The following RAB44 variants were observed in gnomAD, a reference collection of about 807,000 sequenced individuals.
RAB44 encodes the protein ras-related protein Rab-44.
A neutral mutation model predicts 93.3 loss-of-function variants in RAB44; 67 were observed. The observed-to-expected ratio is 0.72, with a 90% CI of 0.59 to 0.88. RAB44 has a LOEUF of 0.88. RAB44 is among the 40% of genes least tolerant of loss of function. The pLI is 0.00. For missense variants in RAB44, 1,064 were observed against 1,261.7 expected, an observed-to-expected ratio of 0.84 and a Z score of 2.37; for synonymous variants, 427 against 520.3, an observed-to-expected ratio of 0.82 and a Z score of 2.44.
intron 2 of RAB44, among the ~76,000 whole-genome samples, chr6:36,712,515 C>G (rs968269629): frequency 5.9e-5 from 9 of 152,142 alleles, no homozygotes; most frequent in Non-Finnish European, 1.0e-4. Context: ...CAGGCGCCCA[C>G]CACAATGCCC....
chr6:36,730,759 G>GGCCGGGGCCCCCCCCCCCCC lies in RAB44; in HGVS notation c.2975+10_2975+11insGCCGGGGCCCCCCCCCCCCC. The GGCCGGGGCCCCCCCCCCCCC allele has an allele frequency of 8.3e-7, 1 of 1,203,332 alleles. No individual in the cohort carries two copies. The highest frequency in any genetic ancestry group is 1.0e-6 in the Non-Finnish European group (1 of 974,732). 74.5% of individuals were successfully genotyped at this position (1,203,332 alleles called of 1,614,324 possible). A position where few individuals can be genotyped will look rare whatever the true frequency, so the allele number is the denominator to read the frequency against. ...TAGTAAACCTGGCCAGGTAAGTGCT[G>GGCCGGGGCCCCCCCCCCCCC]CCCGCCCCCCGCCGCCCCCACCCCC... On this transcript the variant is annotated intron_variant, in intron 13 of 13. Coordinates refer to ENST00000612677, the MANE Select transcript of RAB44 (RefSeq NM_001257357.2).
In RAB44 at chr6:36,731,691, G is replaced by T. The variant is rs527301408; in HGVS notation, c.2976-312G>T. Among the ~76,000 whole-genome samples, 1 of 152,162 alleles carries T rather than the reference G, an allele frequency of 6.6e-6. No individual in the cohort carries two copies. The highest frequency in any genetic ancestry group is 2.1e-4 in the South Asian group (1 of 4,818). On this transcript the variant is annotated intron_variant, in intron 13 of 13. Transcript: ENST00000612677. The surrounding 1 kb of genome is among the most constrained non-coding windows in gnomAD (Gnocchi z 4.0). ...CCAGGACCTGGTGTGAAGTCCCTGT[G>T]TGCCTCCCCATCATTCCCGGGCTGC...
At position 36,721,768 on chromosome 6, in the gene RAB44, C is replaced by T; in HGVS notation, c.1634C>T (p.Ala545Val). ...CCTCCCAGCGGGGCTCAGCCTGGGG[C>T]TGGAGCAGGACCCCAGGAACCCACA... ...WAPPSGAQPG[A>V]GAGPQEPTQT... The change falls in exon 9 of 14, where the codon GCT (alanine) becomes GTT (valine). Residue 545 changes from alanine (A) to valine (V), a missense_variant. Transcript: ENST00000612677. 1 of 1,234,616 alleles carries T rather than the reference C, an allele frequency of 8.1e-7. No homozygotes were observed. The highest frequency in any genetic ancestry group is 1.0e-6 in the Non-Finnish European group (1 of 988,400). The allele number at this position is 1,234,616 out of a possible 1,614,324, so 76.5% of individuals were successfully genotyped here.
At chr6:36,723,836 CAA>C (rs565860026) in intron 9 of RAB44, among the ~76,000 whole-genome samples, 17 of 64,624 alleles carry the variant, frequency 2.6e-4, no homozygotes, top group South Asian at 7.3e-4. Flanking sequence ...TTCCGTCTCC[CAA>C]AAAAAAAAAA....
chr6:36,709,937 T>C (rs1452481218), intron 2 of RAB44, among the ~76,000 whole-genome samples: 1 of 152,216 alleles, frequency 6.6e-6, no homozygotes, highest in Non-Finnish European at 1.5e-5. Context: ...AACTGTCTTA[T>C]ACAAGCATTT....
chr6:36,716,988 A>T (rs1210711498), intron 4 of RAB44, among the ~76,000 whole-genome samples: 1 of 152,166 alleles, frequency 6.6e-6, no homozygotes, highest in African/African-American at 2.4e-5. Flanking sequence ...GAGAGGGCAG[A>T]TGGAAGCTCT....
At position 36,720,349 on chromosome 6, in the gene RAB44, C is replaced by A; in HGVS notation, c.829-14C>A. The A allele has an allele frequency of 8.1e-7, 1 of 1,232,342 alleles. No individual in the cohort carries two copies. Among genetic ancestry groups the A allele is most frequent in the African/African-American group, 1.5e-5 (1 of 64,548 alleles). 76.3% of individuals were successfully genotyped at this position (1,232,342 alleles called of 1,614,324 possible). On this transcript the variant is annotated splice_polypyrimidine_tract_variant and intron_variant, in intron 7 of 13. Coordinates refer to ENST00000612677, the MANE Select transcript of RAB44 (RefSeq NM_001257357.2). The stretch of plus-strand genomic sequence containing the variant: ...GCATCTGGGCTTCTCTCCGCCTCAC[C>A]CTCCACCCTGCAGCTGGAGGCCCAG...
At chr6:36,704,559 G>A (rs1762596963) in intron 2 of RAB44, 117 bp downstream of exon 2, 1 of 939,496 alleles carries the variant, frequency 1.1e-6, no homozygotes, top group South Asian at 1.5e-5. Context: ...CTCATTTAGA[G>A]CTCTCAGAAA....
In RAB44 at chr6:36,715,396, A is replaced by G. The variant is rs942256912; in HGVS notation, c.320-83A>G. 1.0e-4 allele frequency: 129 copies of G among 1,279,444 alleles called. 1 individual carries two copies. In the Middle Eastern group the frequency reaches 1.2e-3, roughly 12 times the overall value. 79.3% of individuals were successfully genotyped at this position (1,279,444 alleles called of 1,614,324 possible). ...TGGCACAGGTAGAATTACTTCCCTG[A>G]GGGCTGGACCAGGGCTGGGTGGGAG... On this transcript the variant is annotated intron_variant, in intron 3 of 13. Coordinates refer to ENST00000612677, the MANE Select transcript of RAB44 (RefSeq NM_001257357.2).
chr6:36,726,410 A>G (rs1763241243), intron 10 of RAB44, among the ~76,000 whole-genome samples: 1 of 152,072 alleles, frequency 6.6e-6, no homozygotes. Flanking sequence ...ACATCCAGCT[A>G]ATTTTTGTAT....
chr6:36,721,644 C>G lies in RAB44; in HGVS notation c.1510C>G (p.Pro504Ala). 1 of 1,234,568 alleles carries G rather than the reference C, an allele frequency of 8.1e-7. No individual in the cohort carries two copies. Among genetic ancestry groups the G allele is most frequent in the Non-Finnish European group, 1.0e-6 (1 of 988,382 alleles). 76.5% of individuals were successfully genotyped at this position (1,234,568 alleles called of 1,614,324 possible). A position where few individuals can be genotyped will look rare whatever the true frequency, so the allele number is the denominator to read the frequency against. ...GCTCATTCCTTTGGAGGATGGGCCC[C>G]CTCCCCCTGCGAACTCTCCCCCTCC... ...KVLIPLEDGP[P>A]PPANSPPPQA... The change falls in exon 9 of 14, where the codon CCT (proline) becomes GCT (alanine). Residue 504 changes from proline to alanine, a missense_variant. Pro to Ala is a conservative substitution (Grantham distance 27). Transcript: ENST00000612677.
Position 36,732,708 on chromosome 6 carries a change from C to G in RAB44, c.*615C>G, listed in dbSNP as rs1000384016. On this transcript the variant is annotated 3_prime_UTR_variant, in exon 14 of 14. Transcript: ENST00000612677. Reference sequence around the variant, plus strand: ...GCTTTCTTCCCAGCAGAATCTGGTTCCTGGGAAGAGTAATGTTCCAAAGGC... The same window carrying G: ...GCTTTCTTCCCAGCAGAATCTGGTTGCTGGGAAGAGTAATGTTCCAAAGGC... 1 of 152,160 alleles carries G rather than the reference C, an allele frequency of 6.6e-6. No individual in the cohort carries two copies. The highest frequency in any genetic ancestry group is 6.6e-5 in the Admixed American group (1 of 15,266). 9.4% of individuals were successfully genotyped at this position (152,160 alleles called of 1,614,324 possible).
chr6:36,715,658 G>C lies in RAB44; in HGVS notation c.494+5G>C. ...GACTGGACACTTACTTCCCAAGTAAGGCCAGGGCGGCATGTGCATGGGGAG... is the reference window on the plus strand; with the variant it reads ...GACTGGACACTTACTTCCCAAGTAACGCCAGGGCGGCATGTGCATGGGGAG... On this transcript the variant is annotated splice_donor_5th_base_variant and intron_variant, in intron 4 of 13. Coordinates refer to ENST00000612677, the MANE Select transcript of RAB44 (RefSeq NM_001257357.2). 6.5e-7 allele frequency: 1 copy of C among 1,535,580 alleles called. No homozygotes were observed. The highest frequency in any genetic ancestry group is 8.7e-7 in the Non-Finnish European group (1 of 1,146,586).
chr6:36,699,123 G>C (rs571104016), intron 1 of RAB44, among the ~76,000 whole-genome samples: 1 of 152,288 alleles, frequency 6.6e-6, no homozygotes, highest in South Asian at 2.1e-4. Flanking sequence ...CAGGCCACCT[G>C]TCAGGCAAGG....
chr6:36,722,382 G>T lies in RAB44; in HGVS notation c.2248G>T (p.Ala750Ser). The change falls in exon 9 of 14, where the codon GCT (alanine) becomes TCT (serine). Residue 750 changes from alanine to serine, a missense_variant. Coordinates refer to ENST00000612677, the MANE Select transcript of RAB44 (RefSeq NM_001257357.2). Reference protein sequence around the residue: ...APPRGSPPRGAQPGAGAGPQE... With the variant: ...APPRGSPPRGSQPGAGAGPQE... ...TCCAAGGGGCTCTCCTCCCAGGGGG[G>T]CTCAGCCTGGGGCTGGAGCAGGACC... 7.3e-7 allele frequency: 1 copy of T among 1,368,324 alleles called. No individual in the cohort carries two copies. The highest frequency in any genetic ancestry group is 9.4e-7 in the Non-Finnish European group (1 of 1,062,488). 84.8% of individuals were successfully genotyped at this position (1,368,324 alleles called of 1,614,324 possible).
intron 12 of RAB44, among the ~76,000 whole-genome samples, chr6:36,729,036 G>A (rs1763301993): frequency 1.3e-5 from 2 of 152,322 alleles, no homozygotes; most frequent in Admixed American, 6.5e-5. Context: ...CTGGAGTGGC[G>A]GGCGTGACAC....
At chr6:36,707,917 A>C (rs1456282472) in intron 2 of RAB44, among the ~76,000 whole-genome samples, 1 of 152,198 alleles carries the variant, frequency 6.6e-6, no homozygotes, top group African/African-American at 2.4e-5. Context: ...TAATGGTTTG[A>C]TCAGTTTTTC....
intron 3 of RAB44, among the ~76,000 whole-genome samples, chr6:36,714,998 CCT>C (rs905762902): frequency 2.0e-5 from 3 of 152,104 alleles, no homozygotes; most frequent in Non-Finnish European, 1.5e-5. Context: ...TCCAATGTCA[CCT>C]CCTTAGGACA....
intron 2 of RAB44, among the ~76,000 whole-genome samples, chr6:36,711,019 T>C (rs188672209): frequency 6.6e-6 from 1 of 152,208 alleles, no homozygotes; most frequent in East Asian, 1.9e-4. Flanking sequence ...GTAAAAAATA[T>C]ATCAACTTAA....
Sources: allele counts gnomAD v4.1 joint callset (sites outside exome capture counted in the v4.1 genomes callset), GRCh38; gene constraint gnomAD v4.1.1; non-coding constraint Gnocchi (gnomAD v3.1); transcripts MANE v1.5; gene names NCBI Gene and HGNC (gene_info 2026-07-23, HGNC 2026-07-21).